Variants in OPRM1 observed in about 807,000 individuals in gnomAD.
OPRM1 encodes opioid receptor mu 1.
Under a neutral mutation model 31.8 loss-of-function variants are expected in OPRM1, and 27 were observed. The observed-to-expected ratio is 0.85, with a 90% CI of 0.63 to 1.17. The LOEUF (loss-of-function observed/expected upper bound fraction) is 1.17. OPRM1 is among the 50% of genes most tolerant of loss of function. The probability of loss-of-function intolerance (pLI) is 0.00; values close to 1 mark genes in which losing one functional copy is unlikely to be tolerated. For missense variants in OPRM1, 536 were observed against 511.1 expected (o/e 1.05, Z -0.47); for synonymous variants, 196 against 189.9 (o/e 1.03, Z -0.26).
chr6:154,057,990 G>A (rs1783653126), intron 1 of OPRM1, among the ~76,000 whole-genome samples: 1 of 152,128 alleles, frequency 6.6e-6, no homozygotes, highest in Admixed American at 6.5e-5. Context: ...TCTGAACAAA[G>A]AAGAAATTGT....
chr6:154,173,685 T>C (rs1027207790), intron 3 of OPRM1, among the ~76,000 whole-genome samples: 1 of 152,124 alleles, frequency 6.6e-6, no homozygotes, highest in Non-Finnish European at 1.5e-5. Context: ...AAAGACCAAA[T>C]CTACATTTGA....
chr6:154,033,320 G>A lies in OPRM1; in HGVS notation c.1-5841G>A, dbSNP rs118017246. 1.1e-3 allele frequency among the ~76,000 whole-genome samples: 163 copies of A among 152,308 alleles called. 1 individual carries two copies. The East Asian group carries it at 0.028, about 26-fold the overall frequency. Reference sequence around the variant, plus strand: ...AAAGGGAAGCTGTGAAAAACAGAGAGAAAGTTGAAGGCAGGCCTTGGGTTA... The same window carrying A: ...AAAGGGAAGCTGTGAAAAACAGAGAAAAAGTTGAAGGCAGGCCTTGGGTTA... On this transcript the variant is annotated intron_variant, in intron 1 of 5. Coordinates refer to the OPRM1 transcript ENST00000434900.
At chr6:154,021,076 G>A (rs572665016) in intron 1 of OPRM1, among the ~76,000 whole-genome samples, 96 of 152,228 alleles carry the variant, frequency 6.3e-4, no homozygotes, top group African/African-American at 2.1e-3. Context: ...CTATATTCTA[G>A]GAGTTTTATA....
intron 3 of OPRM1, among the ~76,000 whole-genome samples, chr6:154,220,623 C>T (rs1778789535): frequency 6.6e-6 from 1 of 152,120 alleles, no homozygotes; most frequent in Admixed American, 6.5e-5. Flanking sequence ...GCCTGGGCAA[C>T]AGAACAAGAC....
At chr6:154,209,127 A>T (rs1485458904) in intron 3 of OPRM1, among the ~76,000 whole-genome samples, 1 of 152,246 alleles carries the variant, frequency 6.6e-6, no homozygotes, top group East Asian at 1.9e-4. Context: ...AGCAATTAGA[A>T]TGATTAGACT....
intron 1 of OPRM1, among the ~76,000 whole-genome samples, chr6:154,082,804 T>G (rs1789475377): frequency 6.6e-6 from 1 of 152,232 alleles, no homozygotes; most frequent in Non-Finnish European, 1.5e-5. Flanking sequence ...ATGGATGCTC[T>G]GATGCTGTTT....
At chr6:154,058,620 T>C (rs75943268) in intron 1 of OPRM1, among the ~76,000 whole-genome samples, 1,551 of 152,284 alleles carry the variant, frequency 0.01, 25 homozygotes, top group African/African-American at 0.036. Flanking sequence ...ATGAACGTAG[T>C]AGAATATTGG....
chr6:154,198,664 A>ACACACACACACAC (rs1554292213), intron 3 of OPRM1, among the ~76,000 whole-genome samples: 2 of 150,156 alleles, frequency 1.3e-5, no homozygotes, highest in Admixed American at 6.6e-5. Flanking sequence ...ACACACACAC[A>ACACACACACACAC]ACTTGTTCTG....
intron 3 of OPRM1, chr6:154,093,554 A>C: frequency 6.5e-7 from 1 of 1,539,900 alleles, no homozygotes; most frequent in East Asian, 2.3e-5. Context: ...AAAAGAAGCT[A>C]ATTGGAGGAG....
intron 1 of OPRM1, among the ~76,000 whole-genome samples, chr6:154,048,056 GCCC>G (rs2128410899): frequency 6.6e-6 from 1 of 152,192 alleles, no homozygotes; most frequent in Admixed American, 6.5e-5. Context: ...CCTCCCAAAG[GCCC>G]CACCTCCAAA....
At chr6:154,087,224 A>C (rs1333217357) in intron 1 of OPRM1, 21 of 985,444 alleles carry the variant, frequency 2.1e-5, no homozygotes, top group Non-Finnish European at 2.5e-5. Context: ...CAGAATTTTA[A>C]AGCTTCAGTA....
At chr6:154,210,401 T>C (rs747848057) in intron 3 of OPRM1, among the ~76,000 whole-genome samples, 2 of 152,078 alleles carry the variant, frequency 1.3e-5, no homozygotes, top group Non-Finnish European at 2.9e-5. Context: ...CAGGTTAAAA[T>C]AGGAGAGAGA....
chr6:154,246,866 C>A, exon 4 of OPRM1: 3 of 1,316,322 alleles, frequency 2.3e-6, no homozygotes, highest in African/African-American at 3.0e-5. Flanking sequence ...TAATTGTTAA[C>A]CCCCCGGGGA....
intron 3 of OPRM1, among the ~76,000 whole-genome samples, chr6:154,144,499 C>T (rs1437987765): frequency 6.6e-6 from 1 of 152,120 alleles, no homozygotes; most frequent in Non-Finnish European, 1.5e-5. Context: ...GTAATCCCAG[C>T]ACTTTGGGAG....
At chr6:154,022,255 C>A (rs1412395538) in intron 1 of OPRM1, among the ~76,000 whole-genome samples, 1 of 152,116 alleles carries the variant, frequency 6.6e-6, no homozygotes, top group Non-Finnish European at 1.5e-5. Context: ...CTTCTTTAGC[C>A]TGGTGCTGTG....
At chr6:154,083,800 C>G (rs1438252368) in intron 1 of OPRM1, 1 of 152,222 alleles carries the variant, frequency 6.6e-6, no homozygotes, top group Non-Finnish European at 1.5e-5. Context: ...AAAAATTAGC[C>G]GGGCTTGGTG....
At chr6:154,083,434 C>A (rs1789628647) in intron 1 of OPRM1, 1 of 152,140 alleles carries the variant, frequency 6.6e-6, no homozygotes, top group Admixed American at 6.5e-5. Context: ...ATTTTAAGCA[C>A]CAAATGCAAA....
chr6:154,179,063 C>A (rs1800607317), intron 3 of OPRM1, among the ~76,000 whole-genome samples: 1 of 152,170 alleles, frequency 6.6e-6, no homozygotes, highest in Admixed American at 6.5e-5. Flanking sequence ...AGGGACATTA[C>A]ATTGTTTTTA....
intron 1 of OPRM1, among the ~76,000 whole-genome samples, chr6:154,051,760 A>G (rs1234697652): frequency 5.3e-5 from 8 of 152,220 alleles, no homozygotes; most frequent in Admixed American, 1.3e-4. Flanking sequence ...ATTGTGGAAG[A>G]CAATGTGGCA....
Sources: gnomAD v4.1 joint callset for allele counts (sites outside exome capture counted in the v4.1 genomes callset) on GRCh38, gnomAD v4.1.1 for gene constraint, MANE v1.5 for transcripts, NCBI Gene and HGNC (gene_info 2026-07-23, HGNC 2026-07-21) for gene names.